ARHGEF28: variants seen among roughly 807,000 people sequenced by gnomAD.
ARHGEF28 encodes the protein Rho guanine nucleotide exchange factor 28.
A neutral mutation model predicts 206.6 loss-of-function variants in ARHGEF28; 152 were observed. The observed-to-expected ratio is 0.74, with a 90% confidence interval of 0.64 to 0.84. The LOEUF (loss-of-function observed/expected upper bound fraction) is 0.84, where lower values mean the gene tolerates loss of function less well. Ranked by LOEUF, ARHGEF28 falls within the 40% of genes least tolerant of loss-of-function variation. ARHGEF28 has a pLI of 0.00. For missense variants in ARHGEF28, 2,028 were observed against 2,073.2 expected, an observed-to-expected ratio of 0.98 and a Z score of 0.42; for synonymous variants, 763 against 776.4, an observed-to-expected ratio of 0.98 and a Z score of 0.29.
chr5:73,655,307 A>T (rs1745118420), intron 1 of ARHGEF28, among the ~76,000 whole-genome samples: 1 of 148,116 alleles, frequency 6.8e-6, no homozygotes, highest in Non-Finnish European at 1.5e-5. Flanking sequence ...GGAGACTTAC[A>T]AGAGTGACAG....
intron 2 of ARHGEF28, among the ~76,000 whole-genome samples, chr5:73,736,213 C>T (rs1750921838): frequency 6.6e-6 from 1 of 152,228 alleles, no homozygotes; most frequent in African/African-American, 2.4e-5. Context: ...CTTAAGACTT[C>T]ACTGTGGAGT....
intron 1 of ARHGEF28, among the ~76,000 whole-genome samples, chr5:73,674,854 G>T (rs1426275267): frequency 6.6e-6 from 1 of 152,218 alleles, no homozygotes; most frequent in African/African-American, 2.4e-5. Flanking sequence ...GGCAGAACAC[G>T]TGGAGGTTCC....
intron 21 of ARHGEF28, 87 bp from the exon 22 acceptor site, chr5:73,872,912 A>T (rs926644778): frequency 2.8e-6 from 4 of 1,437,480 alleles, no homozygotes; most frequent in Non-Finnish European, 3.8e-6. Flanking sequence ...TTTGCGTAAC[A>T]TATAGTGTTG....
intron 1 of ARHGEF28, among the ~76,000 whole-genome samples, chr5:73,680,293 G>A (rs1210507446): frequency 6.6e-6 from 1 of 151,702 alleles, no homozygotes; most frequent in East Asian, 1.9e-4. Context: ...AAATTAGCTG[G>A]GCGTGGTGGT....
In ARHGEF28 at chr5:73,864,821, T is replaced by C. The variant is rs1276300277; in HGVS notation, c.2052T>C (p.Cys684=). The change falls in exon 17 of 36, where the codon TGT becomes TGC. Residue 684 remains cysteine (C), a synonymous_variant. Coordinates refer to ENST00000513042, the MANE Select transcript of ARHGEF28 (RefSeq NM_001177693.2). ...LGKESLQCSN[C]NANVHKGCKD... ...TATCTTTTCCCTTTATTTCAGACTG[T>C]AATGCAAATGTGCACAAAGGTTGTA... 5.0e-6 allele frequency: 8 copies of C among 1,612,664 alleles called. No homozygotes were observed. Among genetic ancestry groups the C allele is most frequent in the Non-Finnish European group, 6.8e-6 (8 of 1,179,254 alleles).
chr5:73,816,813 G>T (rs778751880), intron 9 of ARHGEF28, among the ~76,000 whole-genome samples: 80 of 152,276 alleles, frequency 5.3e-4, no homozygotes, highest in Non-Finnish European at 5.4e-4. Context: ...TGTACTCCTA[G>T]GGTCTGCAAA....
chr5:73,880,089 G>A (rs1760814658), intron 22 of ARHGEF28, among the ~76,000 whole-genome samples: 1 of 152,226 alleles, frequency 6.6e-6, no homozygotes. Flanking sequence ...CCCACTTGGA[G>A]CTTCCCCGCT....
chr5:73,882,448 A>G (rs1761013845), intron 22 of ARHGEF28, 24 bp from the exon 23 acceptor site: 1 of 1,374,272 alleles, frequency 7.3e-7, no homozygotes, highest in Non-Finnish European at 9.7e-7. Context: ...TTTACAAACC[A>G]TTATTTAAAT....
At chr5:73,707,798 A>G (rs1277515354) in intron 2 of ARHGEF28, among the ~76,000 whole-genome samples, 1 of 152,206 alleles carries the variant, frequency 6.6e-6, no homozygotes, top group Non-Finnish European at 1.5e-5. Context: ...CCCAAAATGA[A>G]CATAGTACCT....
At chr5:73,755,766 A>T (rs967216004) in intron 4 of ARHGEF28, among the ~76,000 whole-genome samples, 1 of 152,080 alleles carries the variant, frequency 6.6e-6, no homozygotes, top group African/African-American at 2.4e-5. Flanking sequence ...TTGACAACTC[A>T]TGTTGTCGAG....
chr5:73,796,100 C>G (rs1382499774), intron 9 of ARHGEF28, among the ~76,000 whole-genome samples: 1 of 152,220 alleles, frequency 6.6e-6, no homozygotes, highest in Non-Finnish European at 1.5e-5. Flanking sequence ...CCAGCCCTAT[C>G]TCTTGAGTTA....
chr5:73,901,305 A>G, intron 31 of ARHGEF28, 21 bp downstream of exon 31: 1 of 1,599,432 alleles, frequency 6.3e-7, no homozygotes, highest in Non-Finnish European at 8.6e-7. Flanking sequence ...CTGATTTGTT[A>G]GTAAACGGCA....
At chr5:73,821,440 A>G (rs1756579813) in intron 9 of ARHGEF28, among the ~76,000 whole-genome samples, 1 of 152,212 alleles carries the variant, frequency 6.6e-6, no homozygotes, top group African/African-American at 2.4e-5. Context: ...AGGGATAGGC[A>G]CTGGAGAATA....
At position 73,924,310 on chromosome 5, in the gene ARHGEF28, G is replaced by C. The variant is rs867362568; in HGVS notation, c.4948+12735G>C. Reference sequence around the variant, plus strand: ...TGGAAGGCTTGGGAATTATGCCTAGGTTCAGATTCCAGCTCAGTCATTTAT... The same window carrying C: ...TGGAAGGCTTGGGAATTATGCCTAGCTTCAGATTCCAGCTCAGTCATTTAT... On this transcript the variant is annotated intron_variant, in intron 35 of 35. Transcript: ENST00000513042. Among the ~76,000 whole-genome samples the C allele has an allele frequency of 3.3e-5, 5 of 152,274 alleles. No homozygotes were observed. In the South Asian group the frequency reaches 8.3e-4, roughly 25 times the overall value.
At chr5:73,701,331 A>G (rs1211239649) in intron 2 of ARHGEF28, among the ~76,000 whole-genome samples, 1 of 152,174 alleles carries the variant, frequency 6.6e-6, no homozygotes. Flanking sequence ...ACTGAACTCA[A>G]TAGGGAGTTT....
chr5:73,818,337 A>G (rs1481917585), intron 9 of ARHGEF28, among the ~76,000 whole-genome samples: 1 of 151,838 alleles, frequency 6.6e-6, no homozygotes, highest in African/African-American at 2.4e-5. Flanking sequence ...TAGAAATGTT[A>G]ATGATTTTTA....
intron 35 of ARHGEF28, among the ~76,000 whole-genome samples, chr5:73,927,352 CA>C (rs900590973): frequency 2.0e-5 from 3 of 152,102 alleles, no homozygotes; most frequent in Non-Finnish European, 4.4e-5. Context: ...GTTTTTGTGA[CA>C]AAACAAGACT....
At chr5:73,739,167 A>G (rs1032664245) in intron 2 of ARHGEF28, among the ~76,000 whole-genome samples, 1 of 152,190 alleles carries the variant, frequency 6.6e-6, no homozygotes, top group Non-Finnish European at 1.5e-5. Context: ...AGGAACATTA[A>G]TATGTAATCT....
At chr5:73,725,927 G>T (rs1164367557) in intron 2 of ARHGEF28, among the ~76,000 whole-genome samples, 1 of 152,090 alleles carries the variant, frequency 6.6e-6, no homozygotes, top group Non-Finnish European at 1.5e-5. Flanking sequence ...TTCTTTCAGG[G>T]CTCAACTGCA....
Sources: gnomAD v4.1 joint callset for allele counts (sites outside exome capture counted in the v4.1 genomes callset) on GRCh38, gnomAD v4.1.1 for gene constraint, MANE v1.5 for transcripts, NCBI Gene and HGNC (gene_info 2026-07-23, HGNC 2026-07-21) for gene names.